Variants in ZNF117 observed in about 807,000 individuals in gnomAD.
ZNF117 encodes zinc finger protein 117, also known as Krueppel-related zinc finger protein.
In ZNF117, 37 loss-of-function variants were observed where a neutral mutation model predicts 41.2. The ratio of observed to expected loss-of-function variants is 0.90; its 90% CI spans 0.69 to 1.18. ZNF117 has a LOEUF of 1.18. ZNF117 is among the 50% of genes most tolerant of loss of function. ZNF117 has a pLI of 0.00. For missense variants in ZNF117, 546 were observed against 557.5 expected, an observed-to-expected ratio of 0.98 and a Z score of 0.21; for synonymous variants, 186 against 186.6, an observed-to-expected ratio of 1.00 and a Z score of 0.02.
intron 2 of ZNF117, chr7:64,980,388 T>A (rs1405444756): frequency 6.6e-6 from 1 of 151,826 alleles, no homozygotes; most frequent in Non-Finnish European, 1.5e-5. Context: ...AAATTAATTT[T>A]AAAAAGTTAA....
chr7:64,977,759 T>G, exon 3 of ZNF117: 3 of 851,364 alleles, frequency 3.5e-6, no homozygotes, highest in East Asian at 4.0e-5. Flanking sequence ...TATGAATTAT[T>G]TTATGTGTAG....
upstream of ZNF117, among the ~76,000 whole-genome samples, chr7:64,986,113 G>A (rs890480118): frequency 6.6e-6 from 1 of 150,882 alleles, no homozygotes; most frequent in African/African-American, 2.4e-5. Flanking sequence ...ATGTGCACTT[G>A]AGAAATGTTT....
chr7:64,990,149 AAAG>A (rs1480600484), exon 1 of ZNF117: 11 of 152,244 alleles, frequency 7.2e-5, no homozygotes, highest in Non-Finnish European at 4.4e-5. Flanking sequence ...ATACTTTTCA[AAAG>A]AAGACATACA....
rs371675177 is a variant in ZNF117, at chr7:64,981,346, G to A, written c.34+41C>T. On this transcript the variant is annotated intron_variant, in intron 2 of 2. Transcript: ENST00000620222. ...AGCTGTGGCCTTCTCCTTGGCCTTT[G>A]ACCTCTTCTCTGTGCCATCTGTGTA... 9 of 1,609,782 alleles carry A rather than the reference G, an allele frequency of 5.6e-6. No homozygotes were observed. The African/African-American group carries it at 1.2e-4, about 22-fold the overall frequency.
At chr7:64,974,681 T>C (rs1785842011) in exon 3 of ZNF117, 1 of 151,862 alleles carries the variant, frequency 6.6e-6, no homozygotes, top group African/African-American at 2.4e-5. Flanking sequence ...CAAAGAAAAA[T>C]ACATAACAAA....
rs201482559 is a variant in ZNF117, at chr7:64,978,373, G to C, written c.1198C>G (p.Leu400Val). The C allele has an allele frequency of 2.7e-5, 43 of 1,613,424 alleles. No homozygotes were observed. In the African/African-American group the frequency reaches 5.1e-4, roughly 19 times the overall value. ...TTACATGTACTAAGTTTTGAGGATA[G>C]GTGGAAAACTTTGCCAGATTCTCTA... is the stretch of plus-strand genomic sequence containing the variant. Residue 400 changes from leucine to valine, a missense_variant, in exon 3 of 3, where the codon CTA becomes GTA. Leu to Val is a conservative substitution (Grantham distance 32). Coordinates refer to ENST00000620222, the Ensembl canonical transcript of ZNF117.
intron 1 of ZNF117, 47 bp from the exon 3 acceptor site, chr7:64,981,529 A>C (rs1208447469): frequency 1.4e-6 from 2 of 1,447,188 alleles, no homozygotes; most frequent in Non-Finnish European, 1.9e-6. Context: ...ATATTCTCCA[A>C]TTACCAACTT....
chr7:64,978,676 G>T, exon 3 of ZNF117: 1 of 1,612,900 alleles, frequency 6.2e-7, no homozygotes, highest in Non-Finnish European at 8.5e-7. Context: ...TCTCCACTAT[G>T]AATTCTCTTA....
chr7:64,985,844 C>T (rs1044707731), upstream of ZNF117, among the ~76,000 whole-genome samples: 1 of 148,956 alleles, frequency 6.7e-6, no homozygotes, highest in Non-Finnish European at 1.5e-5. Context: ...CCTGTAACCC[C>T]AGCTACTCGG....
chr7:64,982,600 G>A (rs1259376297), upstream of ZNF117, among the ~76,000 whole-genome samples: 2 of 152,072 alleles, frequency 1.3e-5, no homozygotes, highest in African/African-American at 4.8e-5. Flanking sequence ...CACCAATAAT[G>A]TCAATGTTTT....
intron 1 of ZNF117, among the ~76,000 whole-genome samples, chr7:64,989,464 T>C (rs1250858262): frequency 3.9e-5 from 2 of 51,544 alleles, no homozygotes; most frequent in Middle Eastern, 8.3e-3. Flanking sequence ...TATATATATA[T>C]ATATATATAT....
At chr7:64,977,435 A>G in exon 3 of ZNF117, 1 of 449,510 alleles carries the variant, frequency 2.2e-6, no homozygotes, top group East Asian at 5.9e-5. Flanking sequence ...TATGTGTAGT[A>G]AGTTTTGAGC....
At chr7:64,990,996 T>C in exon 1 of ZNF117, 1 of 413,136 alleles carries the variant, frequency 2.4e-6, no homozygotes, top group Non-Finnish European at 4.3e-6. Context: ...GAAGTAGCTC[T>C]TTTCTTGGCA....
downstream of ZNF117, chr7:64,974,080 A>C (rs1785825242): frequency 6.6e-6 from 1 of 151,936 alleles, no homozygotes; most frequent in Non-Finnish European, 1.5e-5. Flanking sequence ...AAATAAATTT[A>C]CTTATGTCAA....
upstream of ZNF117, among the ~76,000 whole-genome samples, chr7:64,985,950 CAAAAAAAAAAA>C (rs66524694): frequency 1.2e-5 from 1 of 82,174 alleles, no homozygotes; most frequent in East Asian, 3.6e-4. Context: ...GACTCCATCT[CAAAAAAAAAAA>C]AAAAAAAAAG....
At chr7:64,987,710 C>T (rs757114244) in intron 1 of ZNF117, among the ~76,000 whole-genome samples, 6 of 151,566 alleles carry the variant, frequency 4.0e-5, no homozygotes, top group East Asian at 1.9e-4. Flanking sequence ...CAGCTGGGTG[C>T]GGTGGCTCAC....
chr7:64,972,804 C>T (rs945870478), downstream of ZNF117: 11 of 151,976 alleles, frequency 7.2e-5, no homozygotes, highest in African/African-American at 2.4e-4. Context: ...ACTCTGACCA[C>T]AAAAATGTTA....
chr7:64,973,247 A>T (rs1006377754), downstream of ZNF117: 19 of 152,170 alleles, frequency 1.2e-4, no homozygotes, highest in African/African-American at 4.1e-4. Flanking sequence ...CAACCTTTAA[A>T]TTTCACATTT....
exon 3 of ZNF117, chr7:64,977,197 G>A: frequency 2.3e-6 from 1 of 439,362 alleles, no homozygotes; most frequent in East Asian, 6.5e-5. Flanking sequence ...GTTGAGGACA[G>A]GTTAAAGGCC....
Sources: allele counts gnomAD v4.1 joint callset (sites outside exome capture counted in the v4.1 genomes callset), GRCh38; gene constraint gnomAD v4.1.1; transcripts MANE v1.5; gene names NCBI Gene and HGNC (gene_info 2026-07-23, HGNC 2026-07-21).